NGEF: variants seen among roughly 807,000 people sequenced by gnomAD.
The protein encoded by NGEF is ephexin-1.
In NGEF, 31 loss-of-function variants were observed where a neutral mutation model predicts 80.9. That is an observed-to-expected ratio of 0.38 (90% CI 0.29 to 0.52). The LOEUF (loss-of-function observed/expected upper bound fraction) is 0.52, where lower values mean the gene tolerates loss of function less well. Among genes scored for constraint, NGEF ranks in the 20% least tolerant of loss-of-function variants. The probability of loss-of-function intolerance (pLI) is 0.84; values close to 1 mark genes in which losing one functional copy is unlikely to be tolerated. For missense variants in NGEF, 709 were observed against 926.2 expected (o/e 0.77, Z 3.04); for synonymous variants, 371 against 370.2 (o/e 1.00, Z -0.03).
intron 5 of NGEF, among the ~76,000 whole-genome samples, chr2:232,901,946 C>T (rs1468617873): frequency 6.6e-6 from 1 of 152,248 alleles, no homozygotes; most frequent in Non-Finnish European, 1.5e-5. Flanking sequence ...CCGCTGAAGA[C>T]CCGGCCTCAG....
chr2:233,003,457 C>G (rs984880631), intron 1 of NGEF, among the ~76,000 whole-genome samples: 1 of 152,200 alleles, frequency 6.6e-6, no homozygotes, highest in African/African-American at 2.4e-5. Flanking sequence ...GATGGACCCT[C>G]GGGTATCCGC....
chr2:232,946,015 A>T (rs1412626635), intron 3 of NGEF, among the ~76,000 whole-genome samples: 1 of 150,428 alleles, frequency 6.6e-6, no homozygotes, highest in East Asian at 1.9e-4. Context: ...ATATATATAT[A>T]TTCTATATAT....
chr2:232,947,020 A>C (rs1401784789), intron 3 of NGEF, among the ~76,000 whole-genome samples: 2 of 152,222 alleles, frequency 1.3e-5, no homozygotes, highest in African/African-American at 2.4e-5. Flanking sequence ...AAAATGTAAT[A>C]GTTGGTTCAG....
intron 2 of NGEF, among the ~76,000 whole-genome samples, chr2:232,973,789 TAATA>T (rs1390374950): frequency 2.0e-5 from 3 of 152,216 alleles, no homozygotes; most frequent in African/African-American, 7.2e-5. Context: ...TCATGAGAAA[TAATA>T]AATATTGTTG....
intron 3 of NGEF, among the ~76,000 whole-genome samples, chr2:232,956,893 G>A (rs1229535692): frequency 6.6e-6 from 1 of 150,844 alleles, no homozygotes; most frequent in Non-Finnish European, 1.5e-5. Flanking sequence ...AAAAGAAATA[G>A]GAAATAAAAC....
intron 3 of NGEF, among the ~76,000 whole-genome samples, chr2:232,932,563 C>T (rs1315699242): frequency 6.6e-6 from 1 of 152,122 alleles, no homozygotes; most frequent in East Asian, 1.9e-4. Context: ...AAAGCCACTA[C>T]CACATTTTTA....
chr2:232,899,853 C>T (rs1692234908), intron 5 of NGEF, among the ~76,000 whole-genome samples: 1 of 151,070 alleles, frequency 6.6e-6, no homozygotes, highest in African/African-American at 2.4e-5. Flanking sequence ...CTCACACACA[C>T]ACGCTCTCAC....
chr2:232,892,963 G>A lies in NGEF; in HGVS notation c.1077C>T (p.His359=). The A allele has an allele frequency of 6.2e-7, 1 of 1,613,660 alleles. No homozygotes were observed. Among genetic ancestry groups the A allele is most frequent in the Non-Finnish European group, 8.5e-7 (1 of 1,179,946 alleles). ...TGACGTAGGTGATGTAGACAGAGAA[G>A]TGGTCGGCCGCATAACGGTACACAA... ...CDIVYRYAAD[H]FSVYITYVSN... is the part of the protein sequence containing the mutation. Residue 359 remains histidine (H), a synonymous_variant, in exon 7 of 15, where the codon CAC becomes CAT. Transcript: ENST00000264051. This position sits in a 1 kb window ranked among gnomAD's most constrained non-coding sequence, Gnocchi z 4.0.
chr2:232,935,926 CAG>C, intron 3 of NGEF, among the ~76,000 whole-genome samples: 1 of 152,222 alleles, frequency 6.6e-6, no homozygotes, highest in Middle Eastern at 3.4e-3. Context: ...TCCATAAACA[CAG>C]TAGGTTATTT....
rs1304335738 is a variant in NGEF at position 232,970,263 on chromosome 2, G to A, written c.334C>T (p.Pro112Ser). 3 of 1,606,196 alleles carry A rather than the reference G, an allele frequency of 1.9e-6. No homozygotes were observed. The highest frequency in any genetic ancestry group is 1.7e-5 in the Admixed American group (1 of 57,920). ...GTCTGCATTGCTGTTCTGCAAGGAGGCATTCTGCTCCAGGGGATATTCAAG... is the reference window on the plus strand; with the variant it reads ...GTCTGCATTGCTGTTCTGCAAGGAGACATTCTGCTCCAGGGGATATTCAAG... ...LTLNIPWSRM[P>S]PCRTAMQTDP... The change falls in exon 3 of 15, where the codon CCT becomes TCT. Residue 112 changes from proline (P) to serine (S), a missense_variant. Pro to Ser is a moderately conservative substitution (Grantham distance 74). Coordinates refer to ENST00000264051, the MANE Select transcript of NGEF (RefSeq NM_019850.3).
At chr2:232,975,789 C>T (rs1298719541) in intron 1 of NGEF, among the ~76,000 whole-genome samples, 3 of 152,142 alleles carry the variant, frequency 2.0e-5, no homozygotes, top group Non-Finnish European at 2.9e-5. Flanking sequence ...CAGCTCTCCA[C>T]TCATCTGAGG....
At chr2:232,970,409 A>G (rs986185170) in intron 2 of NGEF, 81 bp from the exon 3 acceptor site, 2 of 892,316 alleles carry the variant, frequency 2.2e-6, no homozygotes, top group African/African-American at 3.5e-5. Flanking sequence ...CTAGGACAGT[A>G]GCAGCAGTCA....
At chr2:232,926,999 AC>A (rs760638748) in intron 4 of NGEF, 44 bp downstream of exon 4, 1 of 1,613,504 alleles carries the variant, frequency 6.2e-7, no homozygotes, top group Admixed American at 1.7e-5. Flanking sequence ...TCCTCCAGGG[AC>A]CCGCGTTTCC....
At chr2:232,934,241 C>CAAA (rs11329977) in intron 3 of NGEF, among the ~76,000 whole-genome samples, 5 of 98,856 alleles carry the variant, frequency 5.1e-5, no homozygotes, top group East Asian at 3.0e-4. Context: ...GACTGCATCT[C>CAAA]AAAAAAAAAA....
At chr2:232,940,264 A>T (rs573835727) in intron 3 of NGEF, among the ~76,000 whole-genome samples, 1 of 152,268 alleles carries the variant, frequency 6.6e-6, no homozygotes, top group African/African-American at 2.4e-5. Context: ...GAATATCACC[A>T]TAAAGAAAAA....
Position 232,927,178 on chromosome 2 carries a change from G to A in NGEF, c.392C>T (p.Ser131Phe). ...CGTGGCCCCATTTCCCGGGGTGGAG[G>A]ACGACTCACTGCCAGAGAGGGAGGA... ...DPGAQEMSESSSTPGNGATPE... is the reference protein window; with the variant it reads ...DPGAQEMSESFSTPGNGATPE... Residue 131 changes from serine to phenylalanine, a missense_variant, in exon 4 of 15, where the codon TCC becomes TTC. Coordinates refer to ENST00000264051, the MANE Select transcript of NGEF (RefSeq NM_019850.3). 6.3e-6 allele frequency: 10 copies of A among 1,592,986 alleles called. No individual in the cohort carries two copies. Among genetic ancestry groups the A allele is most frequent in the Non-Finnish European group, 7.7e-6 (9 of 1,171,752 alleles).
chr2:232,928,279 C>T (rs1268926425), intron 3 of NGEF: 1 of 611,286 alleles, frequency 1.6e-6, no homozygotes, highest in Non-Finnish European at 2.0e-6. Flanking sequence ...TGGGCGCGAC[C>T]CGGGCCCCGC....
At chr2:232,963,984 T>G (rs576174773) in intron 3 of NGEF, among the ~76,000 whole-genome samples, 1 of 152,120 alleles carries the variant, frequency 6.6e-6, no homozygotes, top group Non-Finnish European at 1.5e-5. Flanking sequence ...AATAAACATA[T>G]GAAAAGGTGT....
chr2:232,905,089 CCT>C (rs1425516419), intron 5 of NGEF, among the ~76,000 whole-genome samples: 1 of 152,044 alleles, frequency 6.6e-6, no homozygotes, highest in Admixed American at 6.5e-5. Context: ...TCCCCTCTCC[CCT>C]CTCTCTCCTC....
Sources: gnomAD v4.1 joint callset for allele counts (sites outside exome capture counted in the v4.1 genomes callset) on GRCh38, gnomAD v4.1.1 for gene constraint, Gnocchi (gnomAD v3.1) non-coding constraint, MANE v1.5 for transcripts, NCBI Gene and HGNC (gene_info 2026-07-23, HGNC 2026-07-21) for gene names.